Variants in BCAP29 observed in about 807,000 individuals in gnomAD.
BCAP29 encodes B cell receptor associated protein 29, also known as B-cell receptor-associated protein 29.
Under a neutral mutation model 31.8 loss-of-function variants are expected in BCAP29, and 34 were observed. The observed-to-expected ratio is 1.07, with a 90% CI of 0.81 to 1.42. BCAP29 has a LOEUF of 1.42. BCAP29 is among the 40% of genes most tolerant of loss of function. The pLI is 0.00. For synonymous variants in BCAP29, 104 were observed against 91.3 expected (o/e 1.14, Z -0.79); for missense variants, 314 against 269.2 (o/e 1.17, Z -1.16).
At chr7:107,604,414 TC>T (rs1811712012) in intron 6 of BCAP29, among the ~76,000 whole-genome samples, 2 of 152,126 alleles carry the variant, frequency 1.3e-5, no homozygotes. Context: ...AACCCTAAAT[TC>T]CTGCCTCTTC....
downstream of BCAP29, chr7:107,622,052 T>G (rs954207130): frequency 4.6e-6 from 2 of 435,532 alleles, no homozygotes; most frequent in African/African-American, 4.1e-5. Flanking sequence ...ATCTCCTATC[T>G]TAGTTACTTT....
chr7:107,580,037 C>T (rs1015855805), upstream of BCAP29: 4 of 152,360 alleles, frequency 2.6e-5, no homozygotes, highest in African/African-American at 9.6e-5. Context: ...GTCTGTCCTC[C>T]TGAAGAAGTT....
chr7:107,594,695 G>T (rs1475211044), intron 4 of BCAP29, among the ~76,000 whole-genome samples: 3 of 151,946 alleles, frequency 2.0e-5, no homozygotes, highest in Non-Finnish European at 2.9e-5. Context: ...GTAGAGACAG[G>T]GTTTCACTGG....
At chr7:107,585,019 C>T (rs546468881) in intron 3 of BCAP29, among the ~76,000 whole-genome samples, 1 of 152,282 alleles carries the variant, frequency 6.6e-6, no homozygotes, top group South Asian at 2.1e-4. Context: ...ACCAGAAGTT[C>T]CATGAGTCTT....
At chr7:107,600,253 T>G (rs1223509750) in intron 5 of BCAP29, 144 bp from the exon 6 acceptor site, 1 of 680,246 alleles carries the variant, frequency 1.5e-6, no homozygotes, top group Admixed American at 2.2e-5. Flanking sequence ...AAAAGTACAT[T>G]GTAGAAAACT....
chr7:107,610,985 C>G (rs1426007395), intron 6 of BCAP29, among the ~76,000 whole-genome samples: 2 of 152,118 alleles, frequency 1.3e-5, no homozygotes, highest in Non-Finnish European at 2.9e-5. Flanking sequence ...GTTCTGGTGG[C>G]TAAGAAGTCT....
intron 2 of BCAP29, among the ~76,000 whole-genome samples, chr7:107,581,838 T>C: frequency 6.6e-6 from 1 of 152,176 alleles, no homozygotes; most frequent in East Asian, 1.9e-4. Flanking sequence ...AGTAAGTTGT[T>C]TCTTACTAAA....
rs138059153 is a variant in BCAP29, at chr7:107,593,363, A to G, written c.194-592A>G. Among the ~76,000 whole-genome samples the G allele has an allele frequency of 2.7e-3, 415 of 152,334 alleles. 2 individuals are homozygous for G. The highest frequency in any genetic ancestry group is 9.5e-3 in the African/African-American group (397 of 41,580). ...TCCCCTGCATCTGAGACTTCCCAGA[A>G]CTGAAAGCATCAAAGGAGCAGCTAT... On this transcript the variant is annotated intron_variant, in intron 3 of 7. Transcript: ENST00000005259.
intron 6 of BCAP29, among the ~76,000 whole-genome samples, chr7:107,610,609 T>G (rs1812944101): frequency 6.6e-6 from 1 of 152,172 alleles, no homozygotes; most frequent in Non-Finnish European, 1.5e-5. Context: ...TTCATTAGAT[T>G]TATTAATATC....
At position 107,600,450 on chromosome 7, in the gene BCAP29, A is replaced by T. The variant is rs2129255664; in HGVS notation, c.534A>T (p.Lys178Asn). ...DEECVLEAEN[K>N]KLVEDQEKLK... ...AATGTGTTTTGGAAGCAGAAAATAA[A>T]AAACTAGTAGAAGACCAGGAGAAAC... Residue 178 changes from lysine to asparagine, a missense_variant, in exon 6 of 8, where the codon AAA (lysine) becomes AAT (asparagine). Coordinates refer to ENST00000005259, the MANE Select transcript of BCAP29 (RefSeq NM_018844.4). The T allele has an allele frequency of 6.2e-7, 1 of 1,611,670 alleles. No individual in the cohort carries two copies. Among genetic ancestry groups the T allele is most frequent in the East Asian group, 2.2e-5 (1 of 44,696 alleles).
rs1322958037 is a variant in BCAP29 at position 107,620,350 on chromosome 7, CTG to C, written c.*1990_*1991del. ...TATTAGCCGGCTGTGGCTCCAGAGT[CTG>C]TGCCCTTTACCACCGTGCCCAACTG... On this transcript the variant is annotated 3_prime_UTR_variant, in exon 8 of 8. Transcript: ENST00000005259. 10 of 152,186 alleles carry C rather than the reference CTG, an allele frequency of 6.6e-5. No individual in the cohort carries two copies. Among genetic ancestry groups the C allele is most frequent in the Non-Finnish European group, 1.3e-4 (9 of 68,050 alleles). The allele number at this position is 152,186 out of a possible 1,614,324, so 9.4% of individuals were successfully genotyped here.
intron 6 of BCAP29, among the ~76,000 whole-genome samples, chr7:107,601,758 A>G (rs1811223181): frequency 6.6e-6 from 1 of 152,202 alleles, no homozygotes; most frequent in African/African-American, 2.4e-5. Context: ...AATTCTTTTG[A>G]AGAATGAAAC....
At chr7:107,613,477 T>C (rs769596043) in intron 7 of BCAP29, 45 bp downstream of exon 7, 11 of 1,429,270 alleles carry the variant, frequency 7.7e-6, no homozygotes, top group South Asian at 1.2e-5. Context: ...TTTGAAATAG[T>C]AATTACCTAA....
chr7:107,592,626 C>A (rs1416027543), intron 3 of BCAP29, among the ~76,000 whole-genome samples: 1 of 152,168 alleles, frequency 6.6e-6, no homozygotes, highest in African/African-American at 2.4e-5. Context: ...ATAAAACTTG[C>A]ACATGAATGT....
intron 5 of BCAP29, among the ~76,000 whole-genome samples, chr7:107,596,838 T>C (rs1045970110): frequency 2.6e-5 from 4 of 152,230 alleles, no homozygotes; most frequent in Non-Finnish European, 4.4e-5. Flanking sequence ...TTTGCAACTT[T>C]TCTCTTGGAA....
chr7:107,610,602 A>G (rs1189835610), intron 6 of BCAP29, among the ~76,000 whole-genome samples: 1 of 152,198 alleles, frequency 6.6e-6, no homozygotes, highest in Non-Finnish European at 1.5e-5. Flanking sequence ...GATAGTATTC[A>G]TTAGATTTAT....
chr7:107,610,034 G>C (rs757568087), intron 6 of BCAP29, among the ~76,000 whole-genome samples: 1 of 152,104 alleles, frequency 6.6e-6, no homozygotes, highest in African/African-American at 2.4e-5. Flanking sequence ...ACATTTACAC[G>C]GTACATTAGT....
At chr7:107,587,720 G>GA (rs1807969213) in intron 3 of BCAP29, 1 of 151,296 alleles carries the variant, frequency 6.6e-6, no homozygotes, top group African/African-American at 2.4e-5. Context: ...TAATTTTGTA[G>GA]AAAAATATGA....
At chr7:107,600,355 G>T in intron 5 of BCAP29, 42 bp from the exon 6 acceptor site, 1 of 1,182,158 alleles carries the variant, frequency 8.5e-7, no homozygotes, top group South Asian at 1.2e-5. Context: ...TCTGGCTATT[G>T]CAATCTAAGC....
Sources: allele counts gnomAD v4.1 joint callset (sites outside exome capture counted in the v4.1 genomes callset), GRCh38; gene constraint gnomAD v4.1.1; transcripts MANE v1.5; gene names NCBI Gene and HGNC (gene_info 2026-07-23, HGNC 2026-07-21).